TECRL: variants seen among roughly 807,000 people sequenced by gnomAD.
The protein encoded by TECRL is trans-2,3-enoyl-CoA reductase-like.
Under a neutral mutation model 52.8 loss-of-function variants are expected in TECRL, and 63 were observed. The observed-to-expected ratio is 1.19, with a 90% confidence interval of 0.97 to 1.47. The LOEUF (loss-of-function observed/expected upper bound fraction) is 1.47, where lower values mean the gene tolerates loss of function less well. Among genes scored for constraint, TECRL ranks in the 40% most tolerant of loss-of-function variants. The pLI is 0.00. For missense variants in TECRL, 482 were observed against 429.6 expected (o/e 1.12, Z -1.08); for synonymous variants, 164 against 141.9 (o/e 1.16, Z -1.10).
chr4:64,317,599 T>G (rs1437470721), intron 4 of TECRL, among the ~76,000 whole-genome samples: 1 of 152,224 alleles, frequency 6.6e-6, no homozygotes, highest in Non-Finnish European at 1.5e-5. Flanking sequence ...TGTAATACAG[T>G]AAGATCACTT....
At chr4:64,377,414 T>G (rs1253317701) in intron 1 of TECRL, among the ~76,000 whole-genome samples, 1 of 152,032 alleles carries the variant, frequency 6.6e-6, no homozygotes, top group Non-Finnish European at 1.5e-5. Context: ...CTCAGTGGCT[T>G]CATCAGGGAG....
At chr4:64,403,972 A>T (rs1724540671) in intron 1 of TECRL, among the ~76,000 whole-genome samples, 1 of 152,098 alleles carries the variant, frequency 6.6e-6, no homozygotes, top group African/African-American at 2.4e-5. Context: ...ACAGATGAAC[A>T]AACTAAAGCA....
chr4:64,344,089 T>C (rs1719776014), intron 2 of TECRL, among the ~76,000 whole-genome samples: 1 of 152,058 alleles, frequency 6.6e-6, no homozygotes, highest in Admixed American at 6.6e-5. Context: ...ACCATTTGCA[T>C]TGATTTGTTT....
chr4:64,279,753 GAT>G lies in TECRL; in HGVS notation c.*317_*318del, dbSNP rs1491549099. Reference sequence around the variant, plus strand: ...AGATCGCTTTTTCATTTGTTAATCAGATTTTTTTTTTTGCTGTGGTATTTTGT... The same window carrying G: ...AGATCGCTTTTTCATTTGTTAATCAGTTTTTTTTTTGCTGTGGTATTTTGT... On this transcript the variant is annotated 3_prime_UTR_variant, in exon 12 of 12. Coordinates refer to ENST00000381210, the MANE Select transcript of TECRL (RefSeq NM_001010874.5). 2.4e-6 allele frequency: 2 copies of G among 843,414 alleles called. No individual in the cohort carries two copies. The highest frequency in any genetic ancestry group is 2.6e-4 in the East Asian group (1 of 3,882). The allele number at this position is 843,414 out of a possible 1,614,324, so 52.2% of individuals were successfully genotyped here.
chr4:64,386,051 A>G (rs920990014), intron 1 of TECRL, among the ~76,000 whole-genome samples: 2 of 152,106 alleles, frequency 1.3e-5, no homozygotes, highest in Non-Finnish European at 2.9e-5. Context: ...TTCCTTGTAT[A>G]GGAAGCAAAT....
chr4:64,343,049 A>T (rs1000695909), intron 2 of TECRL, among the ~76,000 whole-genome samples: 7 of 152,030 alleles, frequency 4.6e-5, no homozygotes, highest in Non-Finnish European at 5.9e-5. Flanking sequence ...TATGTTTCTA[A>T]TAAAAAATTC....
intron 6 of TECRL, among the ~76,000 whole-genome samples, chr4:64,307,413 A>T (rs1245011085): frequency 1.3e-5 from 2 of 152,092 alleles, no homozygotes; most frequent in African/African-American, 4.8e-5. Flanking sequence ...CTGTTGTTGG[A>T]GGTCACACTT....
intron 5 of TECRL, among the ~76,000 whole-genome samples, chr4:64,314,425 T>C (rs896138426): frequency 2.0e-5 from 3 of 152,210 alleles, no homozygotes. Flanking sequence ...TTTTAAGGTA[T>C]ACCTAATAGT....
At chr4:64,354,241 G>T (rs551816271) in intron 2 of TECRL, among the ~76,000 whole-genome samples, 1 of 152,226 alleles carries the variant, frequency 6.6e-6, no homozygotes, top group African/African-American at 2.4e-5. Flanking sequence ...TTGAAAGGTA[G>T]AATTTGAAGT....
chr4:64,391,361 G>C (rs1292435246), intron 1 of TECRL, among the ~76,000 whole-genome samples: 1 of 151,724 alleles, frequency 6.6e-6, no homozygotes, highest in Non-Finnish European at 1.5e-5. Flanking sequence ...GCACCAACTT[G>C]TTTTCACAGC....
At chr4:64,337,973 A>T (rs1049060446) in intron 2 of TECRL, among the ~76,000 whole-genome samples, 1 of 152,178 alleles carries the variant, frequency 6.6e-6, no homozygotes, top group African/African-American at 2.4e-5. Flanking sequence ...CACATTGCCA[A>T]GACAATCCTA....
At chr4:64,322,130 C>T (rs1214543376) in intron 4 of TECRL, among the ~76,000 whole-genome samples, 3 of 152,178 alleles carry the variant, frequency 2.0e-5, no homozygotes, top group Non-Finnish European at 2.9e-5. Context: ...GAACCTTCAG[C>T]TCTCTCAAAA....
rs562191766 is a variant in TECRL, at chr4:64,289,618, T to C, written c.832+92A>G. 1.6e-5 allele frequency: 16 copies of C among 1,013,450 alleles called. No individual in the cohort carries two copies. In the African/African-American group the frequency reaches 2.4e-4, roughly 15 times the overall value. 62.8% of individuals were successfully genotyped at this position (1,013,450 alleles called of 1,614,324 possible). A position where few individuals can be genotyped will look rare whatever the true frequency, so the allele number is the denominator to read the frequency against. ...GCACATGTATTTCCAACTATTGATATTTTGATTTTTAAAGATTTTTTGAAG... is the reference window on the plus strand; with the variant it reads ...GCACATGTATTTCCAACTATTGATACTTTGATTTTTAAAGATTTTTTGAAG... On this transcript the variant is annotated intron_variant, in intron 9 of 11. Transcript: ENST00000381210.
rs1000665988 is a variant in TECRL, at chr4:64,379,257, C to G, written c.235-4034G>C. The stretch of plus-strand genomic sequence containing the variant: ...ACACACACACACACATACACACACA[C>G]ACACACACACACACACACACACACA... On this transcript the variant is annotated intron_variant, in intron 1 of 11. Coordinates refer to ENST00000381210, the MANE Select transcript of TECRL (RefSeq NM_001010874.5). Among the ~76,000 whole-genome samples, 11 of 139,424 alleles carry G rather than the reference C, an allele frequency of 7.9e-5. No homozygotes were observed. In the South Asian group the frequency reaches 2.4e-3, roughly 30 times the overall value. The allele number at this position is 139,424 out of a possible 152,430, so 91.5% of individuals were successfully genotyped here. A position where few individuals can be genotyped will look rare whatever the true frequency, so the allele number is the denominator to read the frequency against.
chr4:64,385,483 C>T (rs1439018187), intron 1 of TECRL, among the ~76,000 whole-genome samples: 1 of 152,072 alleles, frequency 6.6e-6, no homozygotes, highest in African/African-American at 2.4e-5. Context: ...TGCACTACAC[C>T]ACCCTCCTGT....
intron 3 of TECRL, among the ~76,000 whole-genome samples, chr4:64,322,993 G>T (rs1718011000): frequency 1.3e-5 from 2 of 151,978 alleles, no homozygotes; most frequent in Non-Finnish European, 1.5e-5. Flanking sequence ...AATGCACAGT[G>T]GTTTCCCAAT....
intron 2 of TECRL, among the ~76,000 whole-genome samples, chr4:64,330,028 G>T (rs1282399259): frequency 4.0e-5 from 6 of 150,640 alleles, no homozygotes; most frequent in Non-Finnish European, 7.4e-5. Flanking sequence ...GTACTATTGA[G>T]GAAAGAGAAA....
intron 6 of TECRL, among the ~76,000 whole-genome samples, chr4:64,306,742 G>A (rs1318710078): frequency 2.0e-5 from 3 of 152,100 alleles, no homozygotes; most frequent in Admixed American, 6.6e-5. Flanking sequence ...CTCCATCTAG[G>A]CTGCTTCTTA....
At chr4:64,285,218 C>T (rs1274505468) in intron 9 of TECRL, among the ~76,000 whole-genome samples, 1 of 152,022 alleles carries the variant, frequency 6.6e-6, no homozygotes, top group Non-Finnish European at 1.5e-5. Flanking sequence ...TTTTCTTCCC[C>T]AGGTAGACTC....
Sources: gnomAD v4.1 joint callset for allele counts (sites outside exome capture counted in the v4.1 genomes callset) on GRCh38, gnomAD v4.1.1 for gene constraint, MANE v1.5 for transcripts, NCBI Gene and HGNC (gene_info 2026-07-23, HGNC 2026-07-21) for gene names.